The following PTPRD variants were observed in gnomAD, a reference collection of about 807,000 sequenced individuals.
PTPRD encodes the protein protein tyrosine phosphatase receptor type D, also known as receptor-type tyrosine-protein phosphatase delta.
In PTPRD, 34 loss-of-function variants were observed where a neutral mutation model predicts 214.5. The observed-to-expected ratio is 0.16, with a 90% CI of 0.12 to 0.21. PTPRD has a LOEUF of 0.21. Among genes scored for constraint, PTPRD ranks in the 10% least tolerant of loss-of-function variants. The pLI is 1.00. For missense variants in PTPRD, 2,545 were observed against 2,398.7 expected, an observed-to-expected ratio of 1.06 and a Z score of -1.27; for synonymous variants, 1,128 against 845.7, an observed-to-expected ratio of 1.33 and a Z score of -5.79.
chr9:10,138,355 A>T (rs1211705838), intron 3 of PTPRD, among the ~76,000 whole-genome samples: 1 of 152,050 alleles, frequency 6.6e-6, no homozygotes, highest in Non-Finnish European at 1.5e-5. Flanking sequence ...TTAAAAACCT[A>T]ACAGACCAAT....
At chr9:8,794,939 A>AT (rs1489482948) in intron 11 of PTPRD, among the ~76,000 whole-genome samples, 10 of 151,986 alleles carry the variant, frequency 6.6e-5, no homozygotes, top group South Asian at 4.1e-4. Flanking sequence ...ACATAAGTCA[A>AT]TTTTTTTGTA....
chr9:10,117,434 A>G (rs566368889), intron 3 of PTPRD, among the ~76,000 whole-genome samples: 4 of 152,100 alleles, frequency 2.6e-5, no homozygotes, highest in African/African-American at 9.7e-5. Context: ...TTATTCTGTC[A>G]CAGTTCTGGA....
chr9:9,737,602 T>C (rs1164062442), intron 6 of PTPRD, among the ~76,000 whole-genome samples: 1 of 152,174 alleles, frequency 6.6e-6, no homozygotes, highest in Admixed American at 6.5e-5. Flanking sequence ...ACACAACATG[T>C]GACCTTTTGT....
intron 9 of PTPRD, among the ~76,000 whole-genome samples, chr9:9,239,728 T>C (rs2099969392): frequency 6.6e-6 from 1 of 152,172 alleles, no homozygotes; most frequent in Non-Finnish European, 1.5e-5. Context: ...CTAGCCAAAG[T>C]GCAGGGTCAA....
intron 8 of PTPRD, among the ~76,000 whole-genome samples, chr9:9,444,064 G>C (rs553920590): frequency 2.0e-5 from 3 of 152,124 alleles, no homozygotes; most frequent in Non-Finnish European, 4.4e-5. Flanking sequence ...TATTTCTTGA[G>C]TAAGTCATCC....
In PTPRD at chr9:8,487,536, G is replaced by A. The variant is rs997327183; in HGVS notation, c.2468-1187C>T. On this transcript the variant is annotated intron_variant, in intron 27 of 45. Coordinates refer to ENST00000381196, the MANE Select transcript of PTPRD (RefSeq NM_002839.4). ...TTGAGCCCAAGAGTTCAAAACCAGC[G>A]GCTGGGTGTGGTGGCTCACACCAGT... Among the ~76,000 whole-genome samples, 6 of 152,160 alleles carry A rather than the reference G, an allele frequency of 3.9e-5. No homozygotes were observed. In the East Asian group the frequency reaches 1.2e-3, roughly 30 times the overall value.
At chr9:9,786,321 C>T (rs145689168) in intron 5 of PTPRD, among the ~76,000 whole-genome samples, 4 of 152,292 alleles carry the variant, frequency 2.6e-5, no homozygotes, top group East Asian at 1.9e-4. Context: ...ATTATTGATA[C>T]ATTTGCATGC....
intron 3 of PTPRD, among the ~76,000 whole-genome samples, chr9:10,170,711 TC>T (rs1314423454): frequency 6.6e-6 from 1 of 152,148 alleles, no homozygotes; most frequent in Non-Finnish European, 1.5e-5. Flanking sequence ...GGAATCATTT[TC>T]TAAACAATAC....
chr9:9,594,117 G>A (rs762026320), intron 7 of PTPRD, among the ~76,000 whole-genome samples: 12 of 151,926 alleles, frequency 7.9e-5, no homozygotes, highest in Non-Finnish European at 1.5e-4. Flanking sequence ...TTTAGAATAT[G>A]AAAGAAGATC....
chr9:9,383,182 T>C (rs1023279684), intron 9 of PTPRD, among the ~76,000 whole-genome samples: 1 of 152,088 alleles, frequency 6.6e-6, no homozygotes, highest in Non-Finnish European at 1.5e-5. Flanking sequence ...TGTGCTATTA[T>C]ATAACTTTCA....
Position 9,308,006 on chromosome 9 carries a change from C to T in PTPRD, c.-203+89443G>A, listed in dbSNP as rs549079244. On this transcript the variant is annotated intron_variant, in intron 9 of 45. Transcript: ENST00000381196. ...AAAATTCTATTCAAATGTCATCTAA[C>T]TGGGTTTATGAACTCTCTAGGTTTA... Among the ~76,000 whole-genome samples the T allele has an allele frequency of 4.6e-5, 7 of 152,268 alleles. No individual in the cohort carries two copies. The East Asian group carries it at 1.4e-3, about 29-fold the overall frequency.
chr9:9,768,263 G>C (rs1344866392), intron 5 of PTPRD, among the ~76,000 whole-genome samples: 2 of 152,144 alleles, frequency 1.3e-5, no homozygotes, highest in Non-Finnish European at 2.9e-5. Context: ...CAATGAAGCA[G>C]TTGTAAAGAT....
intron 8 of PTPRD, among the ~76,000 whole-genome samples, chr9:9,401,059 T>G (rs1476447935): frequency 6.6e-6 from 1 of 152,040 alleles, no homozygotes; most frequent in African/African-American, 2.4e-5. Flanking sequence ...TATTATTACC[T>G]TCTCTGTATA....
At chr9:9,975,283 T>G (rs1241399882) in intron 4 of PTPRD, among the ~76,000 whole-genome samples, 2 of 152,226 alleles carry the variant, frequency 1.3e-5, no homozygotes, top group African/African-American at 4.8e-5. Flanking sequence ...ATCCTCTAGC[T>G]CCTCTCTTTG....
chr9:9,553,822 G>C (rs1358537542), intron 8 of PTPRD, among the ~76,000 whole-genome samples: 1 of 152,020 alleles, frequency 6.6e-6, no homozygotes, highest in Admixed American at 6.6e-5. Context: ...TTTAGACTAA[G>C]AAAATAATGC....
At chr9:10,605,643 G>C (rs1374419984) in intron 2 of PTPRD, among the ~76,000 whole-genome samples, 1 of 151,816 alleles carries the variant, frequency 6.6e-6, no homozygotes, top group Non-Finnish European at 1.5e-5. Context: ...AATAAGGTAA[G>C]TGTAGATACG....
rs2095200082 is a variant in PTPRD at position 10,282,951 on chromosome 9, A to T, written c.-545+58012T>A. The stretch of plus-strand genomic sequence containing the variant: ...ATCTGTCTATCACATAGCACCTTCA[A>T]ACTCAATTTGTTCATAATCAAATTC... On this transcript the variant is annotated intron_variant, in intron 3 of 45. Coordinates refer to ENST00000381196, the MANE Select transcript of PTPRD (RefSeq NM_002839.4). Among the ~76,000 whole-genome samples the T allele has an allele frequency of 3.3e-5, 5 of 152,196 alleles. No homozygotes were observed. The South Asian group carries it at 1.0e-3, about 32-fold the overall frequency.
chr9:10,495,213 A>C lies in PTPRD; in HGVS notation c.-600+117185T>G, dbSNP rs199848174. Among the ~76,000 whole-genome samples the C allele has an allele frequency of 6.6e-5, 10 of 151,974 alleles. No individual in the cohort carries two copies. In the East Asian group the frequency reaches 1.7e-3, roughly 26 times the overall value. Reference sequence around the variant, plus strand: ...GAGAAATGGAGTAGAGTTATCAGAAATCAGTAAGAGTGTGTTAGAATTAAA... The same window carrying C: ...GAGAAATGGAGTAGAGTTATCAGAACTCAGTAAGAGTGTGTTAGAATTAAA... On this transcript the variant is annotated intron_variant, in intron 2 of 45. Coordinates refer to ENST00000381196, the MANE Select transcript of PTPRD (RefSeq NM_002839.4).
At chr9:8,978,544 C>A (rs1394120792) in intron 11 of PTPRD, among the ~76,000 whole-genome samples, 2 of 152,068 alleles carry the variant, frequency 1.3e-5, no homozygotes, top group Admixed American at 1.3e-4. Context: ...AGACTCAGAC[C>A]TATCAGAGTT....
Sources: gnomAD v4.1 joint callset for allele counts (sites outside exome capture counted in the v4.1 genomes callset) on GRCh38, gnomAD v4.1.1 for gene constraint, MANE v1.5 for transcripts, NCBI Gene and HGNC (gene_info 2026-07-23, HGNC 2026-07-21) for gene names.